FRAS1: variants seen among roughly 807,000 people sequenced by gnomAD.
FRAS1 encodes the protein extracellular matrix organizing protein FRAS1.
FRAS1 carries 290 observed loss-of-function variants against 435.2 expected under a neutral mutation model. The observed-to-expected ratio is 0.67, with a 90% CI of 0.61 to 0.73. FRAS1 has a LOEUF of 0.73. Among genes scored for constraint, FRAS1 ranks in the 30% least tolerant of loss-of-function variants. FRAS1 has a pLI of 0.00. For missense variants in FRAS1, 4,860 were observed against 5,001.5 expected, an observed-to-expected ratio of 0.97 and a Z score of 0.85; for synonymous variants, 1,800 against 1,851.0, an observed-to-expected ratio of 0.97 and a Z score of 0.71.
At chr4:78,412,073 T>G (rs970391183) in intron 31 of FRAS1, among the ~76,000 whole-genome samples, 1 of 152,264 alleles carries the variant, frequency 6.6e-6, no homozygotes, top group Non-Finnish European at 1.5e-5. Context: ...TAAGATAATT[T>G]ACAGTGATGC....
chr4:78,340,186 A>G (rs1357157758), intron 20 of FRAS1, among the ~76,000 whole-genome samples: 1 of 152,148 alleles, frequency 6.6e-6, no homozygotes, highest in Non-Finnish European at 1.5e-5. Flanking sequence ...GAGCTAAACA[A>G]CTCTGGAAGC....
intron 11 of FRAS1, among the ~76,000 whole-genome samples, chr4:78,282,484 T>C (rs964952935): frequency 5.4e-4 from 82 of 152,342 alleles, no homozygotes; most frequent in African/African-American, 1.9e-3. Context: ...TCTCCTTTGA[T>C]GTTTTTGGTG....
intron 9 of FRAS1, among the ~76,000 whole-genome samples, chr4:78,275,341 A>T (rs1405833007): frequency 7.2e-5 from 11 of 152,114 alleles, no homozygotes; most frequent in Non-Finnish European, 2.9e-5. Context: ...TTATGTGTGA[A>T]TTTGATCCTG....
chr4:78,278,814 C>G, intron 10 of FRAS1, 70 bp downstream of exon 10: 1 of 916,382 alleles, frequency 1.1e-6, no homozygotes. Flanking sequence ...GGGAACATTA[C>G]CTTCTTGTTT....
At chr4:78,464,382 T>G (rs1719459305) in intron 48 of FRAS1, 61 bp from the exon 49 acceptor site, 1 of 1,597,578 alleles carries the variant, frequency 6.3e-7, no homozygotes, top group African/African-American at 1.3e-5. Context: ...AGCACCTACC[T>G]TGGACTTGTT....
intron 1 of FRAS1, among the ~76,000 whole-genome samples, chr4:78,059,489 C>G (rs1309433689): frequency 7.0e-6 from 1 of 143,822 alleles, no homozygotes; most frequent in Non-Finnish European, 1.5e-5. Context: ...TGTTTATGTG[C>G]GTGTGGGCGC....
Position 78,507,600 on chromosome 4 carries a change from C to T in FRAS1, c.9496C>T (p.Pro3166Ser), listed in dbSNP as rs761665463. Reference protein sequence around the residue: ...EAAGSLILPAPPIVVTLADYD... With the variant: ...EAAGSLILPASPIVVTLADYD... ...AGCAGGGAGCCTCATATTGCCAGCA[C>T]CACCCATTGTGAGTTGCTTGACCCA... The change falls in exon 62 of 74, where the codon CCA becomes TCA. Residue 3166 changes from proline (P) to serine (S), a missense_variant. Transcript: ENST00000512123. 5 of 1,591,836 alleles carry T rather than the reference C, an allele frequency of 3.1e-6. No individual in the cohort carries two copies. The highest frequency in any genetic ancestry group is 2.3e-5 in the South Asian group (2 of 86,002).
chr4:78,186,011 G>C (rs1722252751), intron 2 of FRAS1, among the ~76,000 whole-genome samples: 1 of 152,164 alleles, frequency 6.6e-6, no homozygotes, highest in Non-Finnish European at 1.5e-5. Context: ...CCTTAAGGTT[G>C]AATATTCCAC....
At chr4:78,385,667 C>T (rs1490931085) in intron 28 of FRAS1, among the ~76,000 whole-genome samples, 1 of 152,092 alleles carries the variant, frequency 6.6e-6, no homozygotes, top group African/African-American at 2.4e-5. Flanking sequence ...GCATGGTCAC[C>T]TGAGGTCAGA....
chr4:78,253,109 T>TC (rs1437681007), intron 5 of FRAS1, among the ~76,000 whole-genome samples: 1 of 151,692 alleles, frequency 6.6e-6, no homozygotes, highest in African/African-American at 2.4e-5. Flanking sequence ...TTTATAGACC[T>TC]CCCCCCAGGA....
intron 29 of FRAS1, among the ~76,000 whole-genome samples, chr4:78,395,855 A>C (rs1195816492): frequency 6.6e-6 from 1 of 152,018 alleles, no homozygotes; most frequent in African/African-American, 2.4e-5. Context: ...ATTTACATTT[A>C]ATTGTTGATA....
chr4:78,116,383 C>T (rs2109952689), intron 2 of FRAS1, among the ~76,000 whole-genome samples: 1 of 152,154 alleles, frequency 6.6e-6, no homozygotes, highest in African/African-American at 2.4e-5. Context: ...CCTGGATATC[C>T]TTGTTAACTT....
rs1183293778 is a variant in FRAS1 at position 78,464,573 on chromosome 4, C to T, written c.7019C>T (p.Ala2340Val). Reference protein sequence around the residue: ...ITEFELKAVDADTEAESVTFT... With the variant: ...ITEFELKAVDVDTEAESVTFT... ...GAGTTTGAGCTTAAGGCGGTGGATG[C>T]TGACACAGAGGTAAGAGCACTTCTT... Residue 2340 changes from alanine (A) to valine (V), a missense_variant, in exon 49 of 74, where the codon GCT becomes GTT. Coordinates refer to ENST00000512123, the MANE Select transcript of FRAS1 (RefSeq NM_025074.7). The T allele has an allele frequency of 2.5e-6, 4 of 1,613,682 alleles. No individual in the cohort carries two copies. The South Asian group carries it at 4.4e-5, about 18-fold the overall frequency.
chr4:78,313,690 A>G (rs1285859501), intron 15 of FRAS1, among the ~76,000 whole-genome samples: 2 of 152,042 alleles, frequency 1.3e-5, no homozygotes, highest in African/African-American at 2.4e-5. Context: ...TCTCTTAGAT[A>G]TTCTTTCAGC....
At chr4:78,280,987 A>G (rs528241447) in intron 10 of FRAS1, among the ~76,000 whole-genome samples, 1 of 152,342 alleles carries the variant, frequency 6.6e-6, no homozygotes, top group African/African-American at 2.4e-5. Flanking sequence ...TCTCAATCAT[A>G]GTATCAATTT....
chr4:78,412,943 G>A (rs370767925), intron 31 of FRAS1, 26 bp from the exon 32 acceptor site: 403 of 1,455,014 alleles, frequency 2.8e-4, no homozygotes, highest in Non-Finnish European at 3.7e-4. Flanking sequence ...AAGATGAGAG[G>A]CTCACCAGGA....
rs1358022131 is a variant in FRAS1, at chr4:78,542,988, G to A, written c.*1864G>A. 2 of 152,346 alleles carry A rather than the reference G, an allele frequency of 1.3e-5. No homozygotes were observed. Among genetic ancestry groups the A allele is most frequent in the Non-Finnish European group, 2.9e-5 (2 of 68,036 alleles). The allele number at this position is 152,346 out of a possible 1,614,324, so 9.4% of individuals were successfully genotyped here. On this transcript the variant is annotated 3_prime_UTR_variant, in exon 74 of 74. Coordinates refer to ENST00000512123, the MANE Select transcript of FRAS1 (RefSeq NM_025074.7). ...ATTCATAAAAATGTATCATCAGCAG[G>A]AGATGAGACTATGAATTGGCATCCA...
chr4:78,540,730 A>G lies in FRAS1; in HGVS notation c.11645A>G (p.Asn3882Ser), dbSNP rs373724859. 10 of 1,613,810 alleles carry G rather than the reference A, an allele frequency of 6.2e-6. 1 individual carries two copies. The East Asian group carries it at 1.8e-4, about 29-fold the overall frequency. The stretch of plus-strand genomic sequence containing the variant: ...GGAGACCAAGTCAAGAATGGCACCA[A>G]TATGAAGTCCCTGAATCTGGAGATG... ...NEGDQVKNGT[N>S]MKSLNLEMQE... The change falls in exon 74 of 74, where the codon AAT becomes AGT. Residue 3882 changes from asparagine (N) to serine (S), a missense_variant. Transcript: ENST00000512123.
At position 78,499,707 on chromosome 4, in the gene FRAS1, C is replaced by T. The variant is rs768723315; in HGVS notation, c.9116-14C>T. On this transcript the variant is annotated splice_polypyrimidine_tract_variant and intron_variant, in intron 60 of 73. Coordinates refer to ENST00000512123, the MANE Select transcript of FRAS1 (RefSeq NM_025074.7). The stretch of plus-strand genomic sequence containing the variant: ...TTCTAACTGGCTCTTGTTTTCCTAA[C>T]CATATTTCCTTAGCCCCCACCATTG... 6.8e-6 allele frequency: 11 copies of T among 1,611,494 alleles called. No individual in the cohort carries two copies. The highest frequency in any genetic ancestry group is 1.1e-5 in the South Asian group (1 of 90,882).
Sources: allele counts gnomAD v4.1 joint callset (sites outside exome capture counted in the v4.1 genomes callset), GRCh38; gene constraint gnomAD v4.1.1; transcripts MANE v1.5; gene names NCBI Gene and HGNC (gene_info 2026-07-23, HGNC 2026-07-21).